GALNT7: variants seen among roughly 807,000 people sequenced by gnomAD.
The protein encoded by GALNT7 is polypeptide N-acetylgalactosaminyltransferase 7, also known as N-acetylgalactosaminyltransferase 7.
In GALNT7, 60 loss-of-function variants were observed where a neutral mutation model predicts 82.1. The ratio of observed to expected loss-of-function variants is 0.73; its 90% CI spans 0.59 to 0.91. The LOEUF (loss-of-function observed/expected upper bound fraction) is 0.91, where lower values mean the gene tolerates loss of function less well. Ranked by LOEUF, GALNT7 falls within the 40% of genes least tolerant of loss-of-function variation. The probability of loss-of-function intolerance (pLI) is 0.00; values close to 1 mark genes in which losing one functional copy is unlikely to be tolerated. For missense variants in GALNT7, 660 were observed against 804.2 expected (o/e 0.82, Z 2.17); for synonymous variants, 243 against 275.1 (o/e 0.88, Z 1.15).
chr4:173,293,412 A>G (rs1736609571), intron 3 of GALNT7, among the ~76,000 whole-genome samples: 2 of 152,282 alleles, frequency 1.3e-5, no homozygotes, highest in East Asian at 1.9e-4. Flanking sequence ...AGTTTTTTCA[A>G]TTTCAAAACA....
At chr4:173,179,537 A>G (rs757026434) in intron 1 of GALNT7, among the ~76,000 whole-genome samples, 14 of 152,210 alleles carry the variant, frequency 9.2e-5, no homozygotes, top group South Asian at 2.1e-4. Context: ...AGCTTTTTCA[A>G]CTGTGCAAAT....
At chr4:173,253,070 C>T (rs1045513988) in intron 2 of GALNT7, among the ~76,000 whole-genome samples, 30 of 152,048 alleles carry the variant, frequency 2.0e-4, no homozygotes, top group Non-Finnish European at 3.5e-4. Context: ...GGCGTGTTGG[C>T]GCATCCCTCT....
chr4:173,219,038 T>G (rs1733557275), intron 1 of GALNT7, among the ~76,000 whole-genome samples: 1 of 152,106 alleles, frequency 6.6e-6, no homozygotes, highest in African/African-American at 2.4e-5. Flanking sequence ...CATGAATAAG[T>G]TCTTTAGTGG....
intron 2 of GALNT7, among the ~76,000 whole-genome samples, chr4:173,289,301 A>G (rs193255654): frequency 1.8e-4 from 28 of 152,274 alleles, no homozygotes; most frequent in Admixed American, 1.0e-3. Context: ...AGTTTTGCCA[A>G]TGCACCATAA....
rs1280564591 is a variant in GALNT7 at position 173,248,078 on chromosome 4, T to C, written c.225T>C (p.Val75=). The C allele has an allele frequency of 6.2e-7, 1 of 1,613,466 alleles. No individual in the cohort carries two copies. The highest frequency in any genetic ancestry group is 8.5e-7 in the Non-Finnish European group (1 of 1,179,630). The change falls in exon 2 of 12, where the codon GTT becomes GTC. Residue 75 remains valine, a synonymous_variant. Coordinates refer to ENST00000265000, the MANE Select transcript of GALNT7 (RefSeq NM_017423.3). ...AACCTGTGGTACCATGGCCTCATGT[T>C]GAAGGAGTAGAAGTGGACTTAGAGT... is the stretch of plus-strand genomic sequence containing the variant. ...RFKPVVPWPH[V]EGVEVDLESI... is the part of the protein sequence containing the mutation.
intron 1 of GALNT7, among the ~76,000 whole-genome samples, chr4:173,215,793 T>C (rs1323141345): frequency 6.6e-6 from 1 of 152,116 alleles, no homozygotes; most frequent in East Asian, 1.9e-4. Context: ...ACTACATTTT[T>C]ACAAATACTC....
chr4:173,298,597 C>G (rs535090039), intron 6 of GALNT7, among the ~76,000 whole-genome samples: 33 of 152,332 alleles, frequency 2.2e-4, no homozygotes, highest in African/African-American at 7.7e-4. Flanking sequence ...CTTAGTTATC[C>G]TGTCCTACTG....
chr4:173,217,544 C>T lies in GALNT7; in HGVS notation c.127-30436C>T, dbSNP rs905884677. ...TTGTGCATTTTAAAACAATTTTCTA[C>T]GAAAGAAAACCAAAATTACCTTCCA... On this transcript the variant is annotated intron_variant, in intron 1 of 11. Transcript: ENST00000265000. Among the ~76,000 whole-genome samples the T allele has an allele frequency of 1.1e-4, 16 of 152,170 alleles. No homozygotes were observed. In the South Asian group the frequency reaches 1.7e-3, roughly 16 times the overall value.
intron 1 of GALNT7, among the ~76,000 whole-genome samples, chr4:173,221,156 A>G (rs1166790047): frequency 2.0e-5 from 3 of 151,898 alleles, no homozygotes; most frequent in Non-Finnish European, 2.9e-5. Flanking sequence ...CATCCTCTCC[A>G]GCACCTGTTG....
At chr4:173,200,972 A>G (rs1732927484) in intron 1 of GALNT7, among the ~76,000 whole-genome samples, 1 of 152,188 alleles carries the variant, frequency 6.6e-6, no homozygotes, top group South Asian at 2.1e-4. Flanking sequence ...TACACTAGGT[A>G]TTTTCATAGA....
At chr4:173,216,728 T>TATATA (rs374031950) in intron 1 of GALNT7, among the ~76,000 whole-genome samples, 2 of 8,054 alleles carry the variant, frequency 2.5e-4, no homozygotes, top group Middle Eastern at 0.038. Context: ...TATATATATA[T>TATATA]TTTTTTTTTT....
intron 2 of GALNT7, among the ~76,000 whole-genome samples, chr4:173,273,735 CT>C (rs1323774919): frequency 6.6e-6 from 1 of 152,164 alleles, no homozygotes; most frequent in African/African-American, 2.4e-5. Context: ...ATTCCTCCTT[CT>C]TTTTCCTCTC....
rs59212575 is a variant in GALNT7, at chr4:173,295,596, C to T, written c.885+70C>T. 9,080 of 1,454,696 alleles carry T rather than the reference C, an allele frequency of 6.2e-3. 321 individuals carry two copies. In the African/African-American group the frequency reaches 0.085, roughly 14 times the overall value. 90.1% of individuals were successfully genotyped at this position (1,454,696 alleles called of 1,614,324 possible). ...TAACTAAATCATACACATTTTTAAT[C>T]ATTCTTCAGTTTTTTTAATTGAAAT... On this transcript the variant is annotated intron_variant, in intron 4 of 11. Coordinates refer to ENST00000265000, the MANE Select transcript of GALNT7 (RefSeq NM_017423.3).
At chr4:173,175,781 A>G (rs1410374842) in intron 1 of GALNT7, among the ~76,000 whole-genome samples, 2 of 152,204 alleles carry the variant, frequency 1.3e-5, no homozygotes, top group African/African-American at 4.8e-5. Context: ...GTAATATGAA[A>G]GAGAATGGGA....
At chr4:173,190,814 CTT>C (rs1212624550) in intron 1 of GALNT7, among the ~76,000 whole-genome samples, 1 of 151,982 alleles carries the variant, frequency 6.6e-6, no homozygotes, top group Non-Finnish European at 1.5e-5. Context: ...TGTCTCTTGT[CTT>C]TTTTCTGCCA....
chr4:173,272,256 T>C (rs1735755513), intron 2 of GALNT7, among the ~76,000 whole-genome samples: 2 of 152,208 alleles, frequency 1.3e-5, no homozygotes, highest in African/African-American at 4.8e-5. Flanking sequence ...CCCCTGTATA[T>C]GGACTATCTG....
rs768018603 is a variant in GALNT7, at chr4:173,313,946, T to A, written c.1390-12T>A. The A allele has an allele frequency of 9.9e-4, 1,197 of 1,204,818 alleles. 17 individuals are homozygous for A. In the African/African-American group the frequency reaches 0.017, roughly 17 times the overall value. 74.6% of individuals were successfully genotyped at this position (1,204,818 alleles called of 1,614,324 possible). The stretch of plus-strand genomic sequence containing the variant: ...TTATAACGATATATATATATATATT[T>A]TTTTTTTACAGAATTATGTTAGAGT... On this transcript the variant is annotated splice_polypyrimidine_tract_variant and intron_variant, in intron 8 of 11. Coordinates refer to ENST00000265000, the MANE Select transcript of GALNT7 (RefSeq NM_017423.3).
At chr4:173,306,425 G>A (rs1737158772) in intron 8 of GALNT7, among the ~76,000 whole-genome samples, 1 of 152,162 alleles carries the variant, frequency 6.6e-6, no homozygotes, top group South Asian at 2.1e-4. Flanking sequence ...TGGGGAGAGT[G>A]GGCATCCTTG....
chr4:173,301,030 G>C (rs1334099762), intron 6 of GALNT7, among the ~76,000 whole-genome samples: 1 of 152,058 alleles, frequency 6.6e-6, no homozygotes, highest in Non-Finnish European at 1.5e-5. Flanking sequence ...AGCTACTCAG[G>C]AGGCTGAGGT....
Sources: gnomAD v4.1 joint callset for allele counts (sites outside exome capture counted in the v4.1 genomes callset) on GRCh38, gnomAD v4.1.1 for gene constraint, MANE v1.5 for transcripts, NCBI Gene and HGNC (gene_info 2026-07-23, HGNC 2026-07-21) for gene names.